The following FLVCR1 variants were observed in gnomAD, a reference collection of about 807,000 sequenced individuals.
FLVCR1 encodes the protein choline/ethanolamine transporter FLVCR1.
FLVCR1 carries 34 observed loss-of-function variants against 53.6 expected under a neutral mutation model. The ratio of observed to expected loss-of-function variants is 0.63; its 90% CI spans 0.48 to 0.84. The LOEUF (loss-of-function observed/expected upper bound fraction) is 0.84. Among genes scored for constraint, FLVCR1 ranks in the 40% least tolerant of loss-of-function variants. The pLI is 0.00. For synonymous variants in FLVCR1, 300 were observed against 286.3 expected, an observed-to-expected ratio of 1.05 and a Z score of -0.48; for missense variants, 677 against 696.7, an observed-to-expected ratio of 0.97 and a Z score of 0.32.
chr1:212,889,403 TCTCTTA>T (rs1304041270), intron 8 of FLVCR1, 146 bp downstream of exon 8: 5 of 660,928 alleles, frequency 7.6e-6, no homozygotes, highest in Non-Finnish European at 1.4e-5. Flanking sequence ...AAGACATGAA[TCTCTTA>T]CTTCATTTTG....
In FLVCR1 at chr1:212,860,350, G is replaced by GTTTTTTTTTTTTTT. The variant is rs567270153; in HGVS notation, c.738+1165_738+1178dup. Among the ~76,000 whole-genome samples, 45 of 85,826 alleles carry GTTTTTTTTTTTTTT rather than the reference G, an allele frequency of 5.2e-4. 3 individuals are homozygous for GTTTTTTTTTTTTTT. Among genetic ancestry groups the GTTTTTTTTTTTTTT allele is most frequent in the South Asian group, 1.0e-3 (2 of 1,962 alleles). The allele number at this position is 85,826 out of a possible 152,430, so 56.3% of individuals were successfully genotyped here. On this transcript the variant is annotated intron_variant, in intron 1 of 9. Transcript: ENST00000366971. ...TATTATAAAGTTTTTTGTGTGTGTGGTTTTTTTTTTTTTTTTTTGTAGAAA... is the reference window on the plus strand; with the variant it reads ...TATTATAAAGTTTTTTGTGTGTGTGGTTTTTTTTTTTTTTTTTTTTTTTTTTTTTTTTGTAGAAA...
intron 3 of FLVCR1, among the ~76,000 whole-genome samples, chr1:212,878,585 C>CT (rs1664835118): frequency 6.7e-6 from 1 of 148,394 alleles, no homozygotes; most frequent in African/African-American, 2.5e-5. Context: ...ACTATTAAAA[C>CT]TAATAAGAAT....
At chr1:212,893,738 A>G (rs931150797) in intron 8 of FLVCR1, among the ~76,000 whole-genome samples, 3 of 152,206 alleles carry the variant, frequency 2.0e-5, no homozygotes, top group African/African-American at 4.8e-5. Context: ...GAAGGCTTGG[A>G]TAATCATTAG....
At position 212,872,832 on chromosome 1, in the gene FLVCR1, T is replaced by C; in HGVS notation, c.1024+14T>C. 6.2e-7 allele frequency: 1 copy of C among 1,613,320 alleles called. No individual in the cohort carries two copies. The highest frequency in any genetic ancestry group is 8.5e-7 in the Non-Finnish European group (1 of 1,179,554). ...TGATCACTTATGGTAAGTGGTTTTC[T>C]TGTACTTTCTTTAATGTCTGTGTGA... On this transcript the variant is annotated intron_variant, in intron 3 of 9. Coordinates refer to ENST00000366971, the MANE Select transcript of FLVCR1 (RefSeq NM_014053.4).
intron 3 of FLVCR1, among the ~76,000 whole-genome samples, chr1:212,873,170 G>A (rs528484256): frequency 6.6e-6 from 1 of 152,048 alleles, no homozygotes; most frequent in South Asian, 2.1e-4. Flanking sequence ...AAAATCAGCT[G>A]GGCATGGTGG....
chr1:212,872,635 A>G (rs1468285244), intron 2 of FLVCR1, 43 bp from the exon 3 acceptor site: 2 of 1,236,464 alleles, frequency 1.6e-6, no homozygotes, highest in Non-Finnish European at 2.3e-6. Flanking sequence ...AACATATTGT[A>G]TATATATTAA....
chr1:212,879,298 T>C (rs902254442), intron 3 of FLVCR1, among the ~76,000 whole-genome samples: 1 of 152,180 alleles, frequency 6.6e-6, no homozygotes, highest in African/African-American at 2.4e-5. Flanking sequence ...CTCGACTTCA[T>C]GTTCTTCACC....
chr1:212,862,792 C>T (rs1664285026), intron 1 of FLVCR1, among the ~76,000 whole-genome samples: 1 of 152,146 alleles, frequency 6.6e-6, no homozygotes, highest in South Asian at 2.1e-4. Context: ...ATTTTATAGT[C>T]CCACCAGCCG....
chr1:212,878,856 T>C (rs1615680), intron 3 of FLVCR1, among the ~76,000 whole-genome samples: 123,284 of 151,908 alleles, frequency 0.81, 50,159 homozygotes, highest in East Asian at 1. Context: ...AGACACGGTG[T>C]TCTGTGCCTG....
At chr1:212,861,830 C>T (rs930505570) in intron 1 of FLVCR1, among the ~76,000 whole-genome samples, 8 of 152,152 alleles carry the variant, frequency 5.3e-5, no homozygotes, top group South Asian at 2.1e-4. Context: ...CCTCCACACC[C>T]GGCTAATTTT....
chr1:212,870,770 T>C (rs1175517391), intron 2 of FLVCR1, among the ~76,000 whole-genome samples: 1 of 152,162 alleles, frequency 6.6e-6, no homozygotes, highest in Admixed American at 6.6e-5. Flanking sequence ...TGTTTCTTTT[T>C]GTTTGTTTTG....
chr1:212,858,360 G>T lies in FLVCR1; in HGVS notation c.-93G>T. 1.6e-6 allele frequency: 2 copies of T among 1,235,750 alleles called. No homozygotes were observed. Among genetic ancestry groups the T allele is most frequent in the Non-Finnish European group, 2.2e-6 (2 of 926,708 alleles). 76.5% of individuals were successfully genotyped at this position (1,235,750 alleles called of 1,614,324 possible). A position where few individuals can be genotyped will look rare whatever the true frequency, so the allele number is the denominator to read the frequency against. ...AGGAGCGGTGGGCCGAGGGGTTGGAGGTGGGGCCCCAGGAGGACCTCGGGC... is the reference window on the plus strand; with the variant it reads ...AGGAGCGGTGGGCCGAGGGGTTGGATGTGGGGCCCCAGGAGGACCTCGGGC... On this transcript the variant is annotated 5_prime_UTR_variant, in exon 1 of 10. In the 5' UTR this introduces an upstream ATG that the reference lacks. Transcript: ENST00000366971.
intron 3 of FLVCR1, among the ~76,000 whole-genome samples, chr1:212,882,906 A>G (rs1480274644): frequency 6.6e-6 from 1 of 152,214 alleles, no homozygotes; most frequent in Non-Finnish European, 1.5e-5. Context: ...CTCAAAAAAA[A>G]AAGTATTAAC....
intron 3 of FLVCR1, among the ~76,000 whole-genome samples, chr1:212,873,917 T>C (rs1664676491): frequency 6.6e-6 from 1 of 152,228 alleles, no homozygotes; most frequent in African/African-American, 2.4e-5. Flanking sequence ...CTAATTCCTA[T>C]ATACCCATAT....
intron 8 of FLVCR1, among the ~76,000 whole-genome samples, chr1:212,892,376 T>G (rs542766996): frequency 1.8e-4 from 28 of 152,364 alleles, no homozygotes; most frequent in African/African-American, 6.7e-4. Flanking sequence ...AAACTAATGC[T>G]TGTTGACCAT....
rs41315593 is a variant in FLVCR1, at chr1:212,896,410, C to A, written c.*1120C>A. The A allele has an allele frequency of 1.1e-4, 16 of 152,232 alleles. No individual in the cohort carries two copies. Among genetic ancestry groups the A allele is most frequent in the Admixed American group, 2.0e-4 (3 of 15,286 alleles). The allele number at this position is 152,232 out of a possible 1,614,324, so 9.4% of individuals were successfully genotyped here. A position where few individuals can be genotyped will look rare whatever the true frequency, so the allele number is the denominator to read the frequency against. On this transcript the variant is annotated 3_prime_UTR_variant, in exon 10 of 10. Coordinates refer to ENST00000366971, the MANE Select transcript of FLVCR1 (RefSeq NM_014053.4). Reference sequence around the variant, plus strand: ...TATCAGTGTGCCGGGAGAGTGGATTCTTTTCTTCACTGCAGAGTCATCACA... The same window carrying A: ...TATCAGTGTGCCGGGAGAGTGGATTATTTTCTTCACTGCAGAGTCATCACA...
Position 212,863,883 on chromosome 1 carries a change from T to C in FLVCR1, c.883+14T>C. On this transcript the variant is annotated intron_variant, in intron 2 of 9. Coordinates refer to ENST00000366971, the MANE Select transcript of FLVCR1 (RefSeq NM_014053.4). ...TAACAGCAATTGGTAAGTGAATTAC[T>C]TTCCCTAAAGCTTAAATGAATGCAT... 1 of 1,608,944 alleles carries C rather than the reference T, an allele frequency of 6.2e-7. No homozygotes were observed. Among genetic ancestry groups the C allele is most frequent in the African/African-American group, 1.3e-5 (1 of 74,948 alleles).
chr1:212,863,878 A>G lies in FLVCR1; in HGVS notation c.883+9A>G. ...TATTTTAACAGCAATTGGTAAGTGA[A>G]TTACTTTCCCTAAAGCTTAAATGAA... is the stretch of plus-strand genomic sequence containing the variant. On this transcript the variant is annotated intron_variant, in intron 2 of 9. Coordinates refer to ENST00000366971, the MANE Select transcript of FLVCR1 (RefSeq NM_014053.4). The G allele has an allele frequency of 6.2e-7, 1 of 1,608,314 alleles. No individual in the cohort carries two copies. The highest frequency in any genetic ancestry group is 8.5e-7 in the Non-Finnish European group (1 of 1,174,808).
intron 1 of FLVCR1, among the ~76,000 whole-genome samples, chr1:212,859,741 CATAATA>C (rs139681885): frequency 6.6e-6 from 1 of 150,972 alleles, no homozygotes; most frequent in East Asian, 2.0e-4. Flanking sequence ...AAACTGTAAC[CATAATA>C]ATAATAATAA....
Sources: allele counts gnomAD v4.1 joint callset (sites outside exome capture counted in the v4.1 genomes callset), GRCh38; gene constraint gnomAD v4.1.1; transcripts MANE v1.5; gene names NCBI Gene and HGNC (gene_info 2026-07-23, HGNC 2026-07-21).